Variants in PID1 observed in about 807,000 individuals in gnomAD.
PID1 encodes PTB-containing, cubilin and LRP1-interacting protein.
PID1 carries 10 observed loss-of-function variants against 19.1 expected under a neutral mutation model. The ratio of observed to expected loss-of-function variants is 0.52; its 90% CI spans 0.32 to 0.89. PID1 has a LOEUF of 0.89. PID1 is among the 40% of genes least tolerant of loss of function. The pLI is 0.03. For synonymous variants in PID1, 130 were observed against 116.0 expected, an observed-to-expected ratio of 1.12 and a Z score of -0.78; for missense variants, 248 against 285.3, an observed-to-expected ratio of 0.87 and a Z score of 0.94.
rs1227348954 is a variant in PID1, at chr2:229,243,485, T to G, written c.30+27529A>C. On this transcript the variant is annotated intron_variant, in intron 1 of 2. Transcript: ENST00000392055. ...TACTGTAATTACTTATCCATAGGTC[T>G]ATTGCGTCCTCAAGACTGCGCACTC... Among the ~76,000 whole-genome samples the G allele has an allele frequency of 4.6e-5, 7 of 152,164 alleles. No homozygotes were observed. In the East Asian group the frequency reaches 1.3e-3, roughly 29 times the overall value.
In PID1 at chr2:229,041,764, C is replaced by G. The variant is rs78161396; in HGVS notation, c.178-15656G>C. On this transcript the variant is annotated intron_variant, in intron 2 of 2. Coordinates refer to ENST00000392055, the MANE Select transcript of PID1 (RefSeq NM_001100818.2). ...AAGAATTCAACATTACTTCCATTACCCCCCTGCCAACCCCCTGAACCCAAT... is the reference window on the plus strand; with the variant it reads ...AAGAATTCAACATTACTTCCATTACGCCCCTGCCAACCCCCTGAACCCAAT... Among the ~76,000 whole-genome samples, 231 of 151,666 alleles carry G rather than the reference C, an allele frequency of 1.5e-3. 4 individuals carry two copies. The East Asian group carries it at 0.037, about 24-fold the overall frequency.
rs944456589 is a variant in PID1 at position 229,030,993 on chromosome 2, A to G, written c.178-4885T>C. The stretch of plus-strand genomic sequence containing the variant: ...AGCACTTTGGGAGGCCAAGGTGGGC[A>G]GATCACAAGGTCAGGAGTTTGAGAC... On this transcript the variant is annotated intron_variant, in intron 2 of 2. Transcript: ENST00000392055. Among the ~76,000 whole-genome samples, 15 of 152,006 alleles carry G rather than the reference A, an allele frequency of 9.9e-5. No homozygotes were observed. The East Asian group carries it at 2.9e-3, about 30-fold the overall frequency.
In PID1 at chr2:229,238,693, C is replaced by T. The variant is rs561623915; in HGVS notation, c.30+32321G>A. On this transcript the variant is annotated intron_variant, in intron 1 of 2. Coordinates refer to ENST00000392055, the MANE Select transcript of PID1 (RefSeq NM_001100818.2). ...CACCTCTTGCATTTTTAAAAAGAAACGAGTAAGTCTCTGGCCTCACAGGGA... is the reference window on the plus strand; with the variant it reads ...CACCTCTTGCATTTTTAAAAAGAAATGAGTAAGTCTCTGGCCTCACAGGGA... 2.4e-3 allele frequency among the ~76,000 whole-genome samples: 362 copies of T among 152,124 alleles called. 2 individuals are homozygous for T. The highest frequency in any genetic ancestry group is 7.0e-3 in the African/African-American group (289 of 41,506).
chr2:229,183,289 A>C (rs989384163), intron 1 of PID1, among the ~76,000 whole-genome samples: 1 of 152,164 alleles, frequency 6.6e-6, no homozygotes, highest in Non-Finnish European at 1.5e-5. Context: ...TTAGGAACCA[A>C]CCCTGCTGAC....
rs77773860 is a variant in PID1, at chr2:229,100,127, G to A, written c.177+55691C>T. ...AAAAGAGGCCCCTTACCAGACACTG[G>A]ACCTGCCAGCACCTTGATCTTGGAC... On this transcript the variant is annotated intron_variant, in intron 2 of 2. Transcript: ENST00000392055. Among the ~76,000 whole-genome samples, 567 of 152,200 alleles carry A rather than the reference G, an allele frequency of 3.7e-3. 7 individuals are homozygous for A. The highest frequency in any genetic ancestry group is 0.013 in the African/African-American group (527 of 41,530).
intron 1 of PID1, among the ~76,000 whole-genome samples, chr2:229,257,345 TTC>T (rs761441775): frequency 6.6e-6 from 1 of 152,158 alleles, no homozygotes. Flanking sequence ...AGCCTACCAT[TTC>T]TCTCTCTTTC....
At chr2:229,188,789 G>A (rs1691191951) in intron 1 of PID1, among the ~76,000 whole-genome samples, 1 of 151,300 alleles carries the variant, frequency 6.6e-6, no homozygotes, top group African/African-American at 2.4e-5. Context: ...ACCACTCAGA[G>A]CACAGTTCTG....
intron 2 of PID1, among the ~76,000 whole-genome samples, chr2:229,054,244 G>C (rs1694050966): frequency 6.6e-6 from 1 of 152,206 alleles, no homozygotes; most frequent in South Asian, 2.1e-4. Context: ...TAATAAGGCA[G>C]AATAACCTTT....
chr2:229,081,509 C>T (rs1417132129), intron 2 of PID1, among the ~76,000 whole-genome samples: 1 of 152,104 alleles, frequency 6.6e-6, no homozygotes, highest in African/African-American at 2.4e-5. Context: ...ATTTAGCAGC[C>T]AGCAGAGAGC....
intron 1 of PID1, among the ~76,000 whole-genome samples, chr2:229,184,955 AAAATC>A (rs1410310808): frequency 0.042 from 1 of 24 alleles, no homozygotes; most frequent in Non-Finnish European, 0.083. Context: ...CTATATATAT[AAAATC>A]CCATATATAT....
chr2:229,170,705 T>C (rs1690694543), intron 1 of PID1, among the ~76,000 whole-genome samples: 1 of 152,192 alleles, frequency 6.6e-6, no homozygotes, highest in African/African-American at 2.4e-5. Context: ...AGATGGAAGA[T>C]GAGGCACAGA....
intron 1 of PID1, among the ~76,000 whole-genome samples, chr2:229,234,661 G>A (rs1336776476): frequency 6.6e-6 from 1 of 152,140 alleles, no homozygotes; most frequent in African/African-American, 2.4e-5. Flanking sequence ...ACTAATGTAT[G>A]GAATGTTCTC....
At chr2:229,192,612 T>C (rs774519027) in intron 1 of PID1, among the ~76,000 whole-genome samples, 1 of 152,224 alleles carries the variant, frequency 6.6e-6, no homozygotes, top group Non-Finnish European at 1.5e-5. Context: ...AAGTATCTTA[T>C]GGAACATACA....
rs185156845 is a variant in PID1 at position 229,059,856 on chromosome 2, G to C, written c.178-33748C>G. On this transcript the variant is annotated intron_variant, in intron 2 of 2. Coordinates refer to ENST00000392055, the MANE Select transcript of PID1 (RefSeq NM_001100818.2). ...TGCCAAGCATTATGCTAGGTGCTAG[G>C]GATATGACAAGGAACAGAGTGCCTG... is the stretch of plus-strand genomic sequence containing the variant. Among the ~76,000 whole-genome samples, 112 of 152,208 alleles carry C rather than the reference G, an allele frequency of 7.4e-4. No homozygotes were observed. In the East Asian group the frequency reaches 0.02, roughly 27 times the overall value.
At chr2:229,188,026 C>T (rs1691172781) in intron 1 of PID1, among the ~76,000 whole-genome samples, 1 of 152,156 alleles carries the variant, frequency 6.6e-6, no homozygotes, top group South Asian at 2.1e-4. Context: ...CTACTTATTC[C>T]TATTGACTTT....
At chr2:229,267,104 G>A (rs766886912) in intron 1 of PID1, among the ~76,000 whole-genome samples, 1 of 152,224 alleles carries the variant, frequency 6.6e-6, no homozygotes, top group Non-Finnish European at 1.5e-5. Flanking sequence ...ATAATCCTCA[G>A]AGGAGGACTT....
chr2:229,238,205 C>G (rs140282818), intron 1 of PID1, among the ~76,000 whole-genome samples: 130 of 152,246 alleles, frequency 8.5e-4, no homozygotes, highest in African/African-American at 2.7e-3. Context: ...AATTGGAAAG[C>G]CTGCCTCTAA....
chr2:229,213,386 G>T (rs990849535), intron 1 of PID1, among the ~76,000 whole-genome samples: 1 of 152,150 alleles, frequency 6.6e-6, no homozygotes, highest in Non-Finnish European at 1.5e-5. Context: ...GGATGCATCT[G>T]TCTACATCAC....
intron 1 of PID1, among the ~76,000 whole-genome samples, chr2:229,270,402 G>C (rs1402489320): frequency 6.6e-6 from 1 of 152,168 alleles, no homozygotes; most frequent in Non-Finnish European, 1.5e-5. Context: ...TCAGGAGACA[G>C]CAGTAAAAAA....
Sources: gnomAD v4.1 joint callset for allele counts (sites outside exome capture counted in the v4.1 genomes callset) on GRCh38, gnomAD v4.1.1 for gene constraint, MANE v1.5 for transcripts, NCBI Gene and HGNC (gene_info 2026-07-23, HGNC 2026-07-21) for gene names.